Variants in PRH1 observed in about 807,000 individuals in gnomAD.
PRH1 encodes proline rich protein HaeIII subfamily 1.
In PRH1, 7 loss-of-function variants were observed where a neutral mutation model predicts 7.9. The ratio of observed to expected loss-of-function variants is 0.89; its 90% CI spans 0.50 to 1.67. The LOEUF (loss-of-function observed/expected upper bound fraction) is 1.67, where lower values mean the gene tolerates loss of function less well. Ranked by LOEUF, PRH1 falls within the 40% of genes most tolerant of loss-of-function variation. PRH1 has a pLI of 0.00. For synonymous variants in PRH1, 45 were observed against 80.8 expected (o/e 0.56, Z 2.38); for missense variants, 109 against 223.6 (o/e 0.49, Z 3.27).
chr12:11,091,279 C>T (rs1465266354), intron 1 of PRH1: 1 of 1,179,206 alleles, frequency 8.5e-7, no homozygotes, highest in Non-Finnish European at 1.2e-6. Flanking sequence ...CTAGAAGATA[C>T]ACAATGCCCC....
At chr12:10,986,701 A>G (rs1329917072) in intron 1 of PRH1, 1 of 1,612,480 alleles carries the variant, frequency 6.2e-7, no homozygotes, top group Non-Finnish European at 8.5e-7. Context: ...CCAATTCTGG[A>G]GACCGCCAGA....
intron 1 of PRH1, among the ~76,000 whole-genome samples, chr12:10,989,057 C>T (rs576084982): frequency 1.3e-5 from 2 of 152,314 alleles, no homozygotes; most frequent in South Asian, 2.1e-4. Flanking sequence ...ATCCACCCGC[C>T]TCGGCCTCCC....
chr12:11,164,484 T>A (rs1466515289), intron 1 of PRH1, among the ~76,000 whole-genome samples: 1 of 152,188 alleles, frequency 6.6e-6, no homozygotes, highest in East Asian at 1.9e-4. Context: ...ATAATTATGA[T>A]TCTGTTGGAT....
At chr12:11,140,319 T>C (rs1034476910) in intron 1 of PRH1, among the ~76,000 whole-genome samples, 2 of 152,122 alleles carry the variant, frequency 1.3e-5, no homozygotes, top group Non-Finnish European at 2.9e-5. Context: ...ACAAGCTTAA[T>C]GTAGGTGTCC....
intron 2 of PRH1, among the ~76,000 whole-genome samples, chr12:10,892,683 C>A (rs573879514): frequency 6.6e-6 from 1 of 152,120 alleles, no homozygotes; most frequent in African/African-American, 2.4e-5. Flanking sequence ...TAGAAGACTG[C>A]CATAAACAAG....
chr12:11,084,202 C>T (rs74523964), intron 1 of PRH1, among the ~76,000 whole-genome samples: 43,613 of 95,124 alleles, frequency 0.46, 5,536 homozygotes, highest in Non-Finnish European at 0.55. Context: ...TTGTAACGGG[C>T]ACAAGCAGCA....
rs566161985 is a variant in PRH1, at chr12:10,985,705, T to C, written c.-125-11984A>G. Among the ~76,000 whole-genome samples, 38 of 152,274 alleles carry C rather than the reference T, an allele frequency of 2.5e-4. 1 individual carries two copies. In the Middle Eastern group the frequency reaches 0.01, roughly 41 times the overall value. On this transcript the variant is annotated intron_variant, in intron 1 of 3. Transcript: ENST00000539853. ...TATAATTTGGCATCTTGTGAAAATA[T>C]GATTAACATTATGTTATTGTCAATG...
At chr12:11,034,822 G>T (rs1018269957) in intron 1 of PRH1, 1 of 152,702 alleles carries the variant, frequency 6.5e-6, no homozygotes, top group Non-Finnish European at 1.5e-5. Context: ...AGGAGTTCCA[G>T]ACTGCAGTAA....
intron 1 of PRH1, chr12:11,133,351 C>A (rs377453241): frequency 6.2e-7 from 1 of 1,613,690 alleles, no homozygotes; most frequent in East Asian, 2.2e-5. Context: ...TCACCCAGTA[C>A]CTCACATGCC....
intron 1 of PRH1, among the ~76,000 whole-genome samples, chr12:11,146,962 A>C (rs61931274): frequency 0.22 from 33,981 of 152,056 alleles, 3,837 homozygotes; most frequent in Non-Finnish European, 0.24. Flanking sequence ...CAATTTTCAT[A>C]ATTACACTAT....
intron 2 of PRH1, among the ~76,000 whole-genome samples, chr12:10,952,351 CTT>C (rs1014622082): frequency 1.3e-5 from 2 of 152,194 alleles, no homozygotes; most frequent in Non-Finnish European, 2.9e-5. Context: ...CAAGGCGAGT[CTT>C]TACGTGTGAA....
At chr12:11,149,883 AC>A (rs1947008614) in intron 1 of PRH1, among the ~76,000 whole-genome samples, 1 of 138,074 alleles carries the variant, frequency 7.2e-6, no homozygotes, top group African/African-American at 2.6e-5. Context: ...TGAACAGGCA[AC>A]CTACAGAATG....
intron 2 of PRH1, among the ~76,000 whole-genome samples, chr12:10,956,598 G>T (rs921130247): frequency 1.1e-4 from 17 of 152,048 alleles, no homozygotes; most frequent in African/African-American, 4.1e-4. Flanking sequence ...TAAATAAAAG[G>T]CATCCCAATA....
rs1232672451 is a variant in PRH1, at chr12:11,092,583, G to A, written n.124-45395C>T. On this transcript the variant is annotated intron_variant and non_coding_transcript_variant, in intron 1 of 4. Coordinates refer to the PRH1 transcript ENST00000541977. The stretch of plus-strand genomic sequence containing the variant: ...GACTGGCTACTTTTAGGATCCTGTT[G>A]ATTGGTGCATTTTAGAGCGATTGGT... Among the ~76,000 whole-genome samples, 2 of 110,356 alleles carry A rather than the reference G, an allele frequency of 1.8e-5. 1 individual carries two copies. Among genetic ancestry groups the A allele is most frequent in the Non-Finnish European group, 4.3e-5 (2 of 46,312 alleles). 72.4% of individuals were successfully genotyped at this position (110,356 alleles called of 152,430 possible). A position where few individuals can be genotyped will look rare whatever the true frequency, so the allele number is the denominator to read the frequency against.
intron 1 of PRH1, among the ~76,000 whole-genome samples, chr12:11,069,992 A>G (rs1943993171): frequency 6.6e-6 from 1 of 152,140 alleles, no homozygotes; most frequent in South Asian, 2.1e-4. Context: ...CATCCATACC[A>G]TCTGAGACTT....
chr12:11,041,874 T>G (rs559737299), intron 1 of PRH1, among the ~76,000 whole-genome samples: 1 of 152,264 alleles, frequency 6.6e-6, no homozygotes, highest in South Asian at 2.1e-4. Context: ...TGCTCCTGAA[T>G]GACCAGTAGG....
intron 1 of PRH1, among the ~76,000 whole-genome samples, chr12:11,018,209 T>C (rs1381280316): frequency 1.3e-5 from 2 of 152,204 alleles, no homozygotes; most frequent in East Asian, 1.9e-4. Flanking sequence ...AGGGAATTAC[T>C]GCAGAACTAT....
At chr12:11,122,774 T>A (rs1384099420) in intron 1 of PRH1, among the ~76,000 whole-genome samples, 2 of 152,150 alleles carry the variant, frequency 1.3e-5, no homozygotes, top group Admixed American at 1.3e-4. Flanking sequence ...GGAAAATTTC[T>A]CCTAATTAAT....
intron 1 of PRH1, among the ~76,000 whole-genome samples, chr12:11,153,386 T>A (rs1175717533): frequency 6.6e-6 from 1 of 152,222 alleles, no homozygotes; most frequent in South Asian, 2.1e-4. Context: ...TAAATCATCT[T>A]GAAAATTGTA....
Sources: gnomAD v4.1 joint callset for allele counts (sites outside exome capture counted in the v4.1 genomes callset) on GRCh38, gnomAD v4.1.1 for gene constraint, MANE v1.5 for transcripts, NCBI Gene and HGNC (gene_info 2026-07-23, HGNC 2026-07-21) for gene names.